Variants in SLC8A1 observed in about 807,000 individuals in gnomAD.
SLC8A1 encodes the protein sodium/calcium exchanger 1.
A neutral mutation model predicts 68.3 loss-of-function variants in SLC8A1; 18 were observed. The observed-to-expected ratio is 0.26, with a 90% CI of 0.18 to 0.39. The LOEUF (loss-of-function observed/expected upper bound fraction) is 0.39, where lower values mean the gene tolerates loss of function less well. Ranked by LOEUF, SLC8A1 falls within the 10% of genes least tolerant of loss-of-function variation. The pLI is 1.00. For synonymous variants in SLC8A1, 475 were observed against 415.5 expected (o/e 1.14, Z -1.74); for missense variants, 985 against 1,156.7 (o/e 0.85, Z 2.15).
At position 40,487,078 on chromosome 2, in the gene SLC8A1, G is replaced by A. The variant is rs541466467; in HGVS notation, c.-25+25271C>T. 2.0e-5 allele frequency among the ~76,000 whole-genome samples: 3 copies of A among 151,964 alleles called. No individual in the cohort carries two copies. The East Asian group carries it at 5.8e-4, about 29-fold the overall frequency. On this transcript the variant is annotated intron_variant, in intron 1 of 7. Transcript: ENST00000402441. ...ATACTGCCTTTAATAAAGTTGCATCGAATCCCTTTTGAGCAGAAGTTGGTA... is the reference window on the plus strand; with the variant it reads ...ATACTGCCTTTAATAAAGTTGCATCAAATCCCTTTTGAGCAGAAGTTGGTA...
intron 2 of SLC8A1, among the ~76,000 whole-genome samples, chr2:40,350,896 G>A (rs12989852): frequency 0.49 from 74,785 of 151,800 alleles, 19,065 homozygotes; most frequent in East Asian, 0.68. Flanking sequence ...CATTTCATAG[G>A]TAAGAAAATT....
At chr2:40,382,598 A>C (rs56411526) in intron 2 of SLC8A1, among the ~76,000 whole-genome samples, 393 of 152,242 alleles carry the variant, frequency 2.6e-3, no homozygotes, top group African/African-American at 8.9e-3. Context: ...GATGTAAAGA[A>C]GACAATTATA....
chr2:40,416,007 C>A (rs185324694), intron 2 of SLC8A1, among the ~76,000 whole-genome samples: 13 of 148,526 alleles, frequency 8.8e-5, no homozygotes, highest in Admixed American at 2.0e-4. Flanking sequence ...GCTGAGATCA[C>A]GCCACTGCAC....
intron 2 of SLC8A1, among the ~76,000 whole-genome samples, chr2:40,401,304 CTCTATG>C (rs1461220915): frequency 3.9e-5 from 6 of 152,148 alleles, no homozygotes; most frequent in African/African-American, 1.4e-4. Context: ...GTTTTCCTGC[CTCTATG>C]TATTTGTTCA....
At chr2:40,422,810 A>G (rs778517806) in intron 2 of SLC8A1, among the ~76,000 whole-genome samples, 10 of 152,326 alleles carry the variant, frequency 6.6e-5, no homozygotes, top group Admixed American at 1.3e-4. Context: ...GCAAAGTAGT[A>G]TGGAAGAACA....
At chr2:40,304,918 T>C (rs1009583419) in intron 2 of SLC8A1, among the ~76,000 whole-genome samples, 6 of 152,148 alleles carry the variant, frequency 3.9e-5, no homozygotes, top group Non-Finnish European at 7.4e-5. Flanking sequence ...ATCTTCCACC[T>C]ACCCACCCCA....
At chr2:40,435,874 C>G (rs1415089429) in intron 1 of SLC8A1, among the ~76,000 whole-genome samples, 1 of 151,912 alleles carries the variant, frequency 6.6e-6, no homozygotes, top group Non-Finnish European at 1.5e-5. Context: ...CTTCTGGATT[C>G]AAGCAATTCT....
intron 2 of SLC8A1, among the ~76,000 whole-genome samples, chr2:40,196,326 A>G (rs1374431050): frequency 6.6e-6 from 1 of 151,946 alleles, no homozygotes; most frequent in African/African-American, 2.4e-5. Flanking sequence ...GTCCTGAGAA[A>G]ACTCAAGCAT....
At chr2:40,455,345 C>T (rs1300866596), upstream of SLC8A1, among the ~76,000 whole-genome samples, 3 of 152,124 alleles carry the variant, frequency 2.0e-5, no homozygotes, top group Non-Finnish European at 4.4e-5. Context: ...AAGCACAATA[C>T]TCTGTTTAAA....
At chr2:40,267,968 T>C (rs1025397216) in intron 2 of SLC8A1, among the ~76,000 whole-genome samples, 5 of 152,168 alleles carry the variant, frequency 3.3e-5, no homozygotes, top group Non-Finnish European at 7.4e-5. Flanking sequence ...TGAGCACTTA[T>C]CTCTCGGACA....
chr2:40,458,683 A>G (rs1412930123), intron 1 of SLC8A1, among the ~76,000 whole-genome samples: 1 of 152,100 alleles, frequency 6.6e-6, no homozygotes, highest in Admixed American at 6.5e-5. Context: ...CAGAGACAGC[A>G]ATCTGACCGA....
intron 2 of SLC8A1, among the ~76,000 whole-genome samples, chr2:40,274,594 C>G (rs1471368131): frequency 1.3e-5 from 2 of 152,212 alleles, no homozygotes; most frequent in Non-Finnish European, 2.9e-5. Flanking sequence ...GATGATGATA[C>G]AAGCATATCA....
intron 2 of SLC8A1, among the ~76,000 whole-genome samples, chr2:40,313,151 T>C (rs538958274): frequency 6.6e-6 from 1 of 152,192 alleles, no homozygotes; most frequent in East Asian, 1.9e-4. Context: ...TTAGTATGAA[T>C]CTCCAATAAT....
intron 2 of SLC8A1, among the ~76,000 whole-genome samples, chr2:40,354,278 T>C (rs1451190354): frequency 1.3e-5 from 2 of 152,178 alleles, no homozygotes; most frequent in Non-Finnish European, 2.9e-5. Context: ...ATTTGCATTA[T>C]TATAACTGAG....
intron 2 of SLC8A1, among the ~76,000 whole-genome samples, chr2:40,321,221 T>C (rs1380234142): frequency 1.3e-5 from 2 of 152,202 alleles, no homozygotes; most frequent in African/African-American, 4.8e-5. Context: ...TTTCACATAA[T>C]GACTTTAGCA....
chr2:40,500,795 C>CTTTTTTTTTTT (rs1191619172), intron 1 of SLC8A1, among the ~76,000 whole-genome samples: 10 of 37,262 alleles, frequency 2.7e-4, no homozygotes, highest in East Asian at 1.0e-3. Context: ...TATCATCTGA[C>CTTTTTTTTTTT]TTTTTTTTTT....
chr2:40,422,900 T>C (rs1415208516), intron 2 of SLC8A1, among the ~76,000 whole-genome samples: 1 of 150,892 alleles, frequency 6.6e-6, no homozygotes, highest in Non-Finnish European at 1.5e-5. Context: ...AAAAAATTAA[T>C]CTCTCTAAGT....
At chr2:40,320,514 A>T (rs1240625610) in intron 2 of SLC8A1, among the ~76,000 whole-genome samples, 1 of 152,174 alleles carries the variant, frequency 6.6e-6, no homozygotes, top group African/African-American at 2.4e-5. Context: ...TTGATGTCCA[A>T]AAATAAGGAA....
chr2:40,254,098 T>TTACACATTTTATGCATG (rs2063467109), intron 2 of SLC8A1, among the ~76,000 whole-genome samples: 1 of 152,260 alleles, frequency 6.6e-6, no homozygotes, highest in African/African-American at 2.4e-5. Flanking sequence ...GATTTGATCA[T>TTACACATTTTATGCATG]TACACATTTT....
Sources: allele counts gnomAD v4.1 joint callset (sites outside exome capture counted in the v4.1 genomes callset), GRCh38; gene constraint gnomAD v4.1.1; transcripts MANE v1.5; gene names NCBI Gene and HGNC (gene_info 2026-07-23, HGNC 2026-07-21).